The following ZNF573 variants were observed in gnomAD, a reference collection of about 807,000 sequenced individuals.
ZNF573 encodes zinc finger protein 573.
In ZNF573, 41 loss-of-function variants were observed where a neutral mutation model predicts 57.4. That is an observed-to-expected ratio of 0.71 (90% CI 0.56 to 0.93). The LOEUF (loss-of-function observed/expected upper bound fraction) is 0.93. ZNF573 is among the 40% of genes least tolerant of loss of function. The probability of loss-of-function intolerance (pLI) is 0.00; values close to 1 mark genes in which losing one functional copy is unlikely to be tolerated. For synonymous variants in ZNF573, 249 were observed against 261.0 expected (o/e 0.95, Z 0.44); for missense variants, 730 against 794.8 (o/e 0.92, Z 0.98).
chr19:37,777,833 A>C (rs1224522098), intron 1 of ZNF573, among the ~76,000 whole-genome samples: 1 of 151,182 alleles, frequency 6.6e-6, no homozygotes, highest in Non-Finnish European at 1.5e-5. Context: ...CAGGAGACTG[A>C]GACCACGGTG....
chr19:37,774,687 T>G (rs1261561820), intron 1 of ZNF573, among the ~76,000 whole-genome samples: 1 of 152,172 alleles, frequency 6.6e-6, no homozygotes, highest in Non-Finnish European at 1.5e-5. Flanking sequence ...GAAAACAGAA[T>G]GTACAATATC....
chr19:37,740,943 G>A (rs1032800459), intron 4 of ZNF573, among the ~76,000 whole-genome samples: 7 of 152,050 alleles, frequency 4.6e-5, no homozygotes, highest in African/African-American at 1.2e-4. Context: ...CTGTTGCTTC[G>A]AAAATAATGG....
In ZNF573 at chr19:37,739,058, C is replaced by T. The variant is rs866678309; in HGVS notation, c.1432G>A (p.Ala478Thr). Reference protein sequence around the residue: ...KLFECQECGKAYSTGSNLIQH... With the variant: ...KLFECQECGKTYSTGSNLIQH... ...ATAAGGTTTGAGCCAGTACTATAGGCCTTCCCACATTCCTGACATTCAAAA... is the reference window on the plus strand; with the variant it reads ...ATAAGGTTTGAGCCAGTACTATAGGTCTTCCCACATTCCTGACATTCAAAA... Residue 478 changes from alanine (A) to threonine (T), a missense_variant, in exon 5 of 5, where the codon GCC becomes ACC. Ala to Thr is a moderately conservative substitution (Grantham distance 58). Transcript: ENST00000536220. The T allele has an allele frequency of 6.2e-7, 1 of 1,612,506 alleles. No individual in the cohort carries two copies. Among genetic ancestry groups the T allele is most frequent in the Non-Finnish European group, 8.5e-7 (1 of 1,179,574 alleles).
At chr19:37,767,104 G>A (rs765526143) in intron 4 of ZNF573, among the ~76,000 whole-genome samples, 89 of 152,272 alleles carry the variant, frequency 5.8e-4, no homozygotes, top group Non-Finnish European at 4.6e-4. Context: ...ACCTGACCGA[G>A]GACAACGTTG....
At chr19:37,776,698 A>G (rs899857887) in intron 1 of ZNF573, among the ~76,000 whole-genome samples, 2 of 152,212 alleles carry the variant, frequency 1.3e-5, no homozygotes, top group African/African-American at 4.8e-5. Flanking sequence ...TAAACAGACA[A>G]CCCACAGGAT....
At chr19:37,757,160 A>C (rs2045496406) in intron 4 of ZNF573, among the ~76,000 whole-genome samples, 1 of 151,758 alleles carries the variant, frequency 6.6e-6, no homozygotes, top group African/African-American at 2.4e-5. Flanking sequence ...CTCACCTCTC[A>C]CTGCCTACCC....
At chr19:37,760,806 A>G (rs1486632653) in intron 4 of ZNF573, among the ~76,000 whole-genome samples, 1 of 151,530 alleles carries the variant, frequency 6.6e-6, no homozygotes, top group African/African-American at 2.4e-5. Context: ...TGGGCAACAG[A>G]GTAAGAGTCT....
chr19:37,768,000 A>ACT (rs745712407), intron 4 of ZNF573, among the ~76,000 whole-genome samples: 3 of 151,736 alleles, frequency 2.0e-5, no homozygotes, highest in Non-Finnish European at 4.4e-5. Flanking sequence ...TCAACTAGAA[A>ACT]CTCTCTCCTT....
At chr19:37,741,084 T>C (rs1485908644) in intron 4 of ZNF573, among the ~76,000 whole-genome samples, 1 of 152,162 alleles carries the variant, frequency 6.6e-6, no homozygotes, top group Non-Finnish European at 1.5e-5. Context: ...CCCCAACACT[T>C]AATGCTTTCC....
In ZNF573 at chr19:37,738,456, C is replaced by G. The variant is rs2045281786; in HGVS notation, c.*36G>C. 2.0e-6 allele frequency: 3 copies of G among 1,496,838 alleles called. No homozygotes were observed. The highest frequency in any genetic ancestry group is 1.4e-5 in the African/African-American group (1 of 71,448). The allele number at this position is 1,496,838 out of a possible 1,614,324, so 92.7% of individuals were successfully genotyped here. A position where few individuals can be genotyped will look rare whatever the true frequency, so the allele number is the denominator to read the frequency against. Reference sequence around the variant, plus strand: ...ATCATTTCTCACCAGTGTGGGCTGTCTGATGATGAATGGCGCGCTCGTACT... The same window carrying G: ...ATCATTTCTCACCAGTGTGGGCTGTGTGATGATGAATGGCGCGCTCGTACT... On this transcript the variant is annotated 3_prime_UTR_variant, in exon 5 of 5. Transcript: ENST00000536220.
At chr19:37,772,639 CT>C (rs1011436332) in intron 2 of ZNF573, among the ~76,000 whole-genome samples, 454 of 138,088 alleles carry the variant, frequency 3.3e-3, no homozygotes, top group East Asian at 3.0e-3. Context: ...TTTTTTAAAT[CT>C]TTTTTTTTTT....
At chr19:37,762,613 G>A (rs918168943) in intron 4 of ZNF573, among the ~76,000 whole-genome samples, 2 of 152,100 alleles carry the variant, frequency 1.3e-5, no homozygotes, top group Non-Finnish European at 2.9e-5. Context: ...TGATTGGCAA[G>A]TTGCACCTCG....
chr19:37,763,297 T>C (rs1638387144), intron 4 of ZNF573, among the ~76,000 whole-genome samples: 1 of 151,424 alleles, frequency 6.6e-6, no homozygotes, highest in Admixed American at 6.6e-5. Context: ...AGAGTAAATA[T>C]CAGGGCCAGT....
At chr19:37,740,349 C>T (rs2045316012) in intron 4 of ZNF573, 155 bp from the exon 5 acceptor site, 3 of 663,522 alleles carry the variant, frequency 4.5e-6, no homozygotes, top group Non-Finnish European at 7.5e-6. Flanking sequence ...AAAAAGAGTT[C>T]AGAGACGTAT....
chr19:37,770,832 T>TATATATATATATA (rs2045649724), intron 3 of ZNF573, among the ~76,000 whole-genome samples: 1 of 93,750 alleles, frequency 1.1e-5, no homozygotes, highest in African/African-American at 5.9e-5. Context: ...TTAAGTTATT[T>TATATATATATATA]TATATATATA....
At chr19:37,765,878 A>G (rs2045597429) in intron 4 of ZNF573, among the ~76,000 whole-genome samples, 1 of 151,304 alleles carries the variant, frequency 6.6e-6, no homozygotes, top group African/African-American at 2.4e-5. Flanking sequence ...CCTCTCTACT[A>G]AAAATATAAA....
At chr19:37,755,314 C>T (rs1233387151) in intron 4 of ZNF573, 1 of 152,210 alleles carries the variant, frequency 6.6e-6, no homozygotes, top group Non-Finnish European at 1.5e-5. Context: ...AATTACAATG[C>T]TTATCTCTGA....
chr19:37,773,326 T>C (rs985335322), intron 2 of ZNF573, among the ~76,000 whole-genome samples: 2 of 152,214 alleles, frequency 1.3e-5, no homozygotes, highest in Non-Finnish European at 2.9e-5. Flanking sequence ...GGTATCCAAA[T>C]AGGACCAACA....
chr19:37,748,835 G>A (rs771702749), intron 4 of ZNF573, among the ~76,000 whole-genome samples: 1 of 151,004 alleles, frequency 6.6e-6, no homozygotes, highest in African/African-American at 2.4e-5. Flanking sequence ...GCTGAGGCAG[G>A]AGAATCGCTT....
Sources: allele counts gnomAD v4.1 joint callset (sites outside exome capture counted in the v4.1 genomes callset), GRCh38; gene constraint gnomAD v4.1.1; transcripts MANE v1.5; gene names NCBI Gene and HGNC (gene_info 2026-07-23, HGNC 2026-07-21).